OTOP3: variants seen among roughly 807,000 people sequenced by gnomAD.
OTOP3 encodes the protein proton channel OTOP3.
OTOP3 carries 41 observed loss-of-function variants against 50.8 expected under a neutral mutation model. The observed-to-expected ratio is 0.81, with a 90% confidence interval of 0.63 to 1.05. OTOP3 has a LOEUF of 1.05. Ranked by LOEUF, OTOP3 falls within the 50% of genes least tolerant of loss-of-function variation. The pLI is 0.00. For missense variants in OTOP3, 788 were observed against 760.8 expected (o/e 1.04, Z -0.42); for synonymous variants, 320 against 324.4 (o/e 0.99, Z 0.14).
chr17:74,935,917 C>G lies in OTOP3; in HGVS notation c.-5C>G, dbSNP rs566025730. The G allele has an allele frequency of 6.5e-7, 1 of 1,546,000 alleles. No homozygotes were observed. Among genetic ancestry groups the G allele is most frequent in the East Asian group, 2.4e-5 (1 of 40,888 alleles). ...GCGCCCGCAGTCGGTGGTTAGCCCA[C>G]GGCGATGCCTCTCCCGGCCTCAGGT... On this transcript the variant is annotated 5_prime_UTR_variant, in exon 1 of 7. Coordinates refer to ENST00000328801, the MANE Select transcript of OTOP3 (RefSeq NM_001272005.2).
intron 3 of OTOP3, 49 bp from the exon 4 acceptor site, chr17:74,943,237 G>T: frequency 6.4e-7 from 1 of 1,560,994 alleles, no homozygotes; most frequent in Non-Finnish European, 8.8e-7. Flanking sequence ...TCACACTGTG[G>T]TCCCACCACC....
Position 74,946,948 on chromosome 17 carries a change from C to T in OTOP3, c.1039C>T (p.Pro347Ser), listed in dbSNP as rs1198033160. 1 of 1,613,310 alleles carries T rather than the reference C, an allele frequency of 6.2e-7. No homozygotes were observed. Among genetic ancestry groups the T allele is most frequent in the Non-Finnish European group, 8.5e-7 (1 of 1,180,012 alleles). The change falls in exon 6 of 7, where the codon CCT becomes TCT. Residue 347 changes from proline to serine, a missense_variant. By Grantham distance (74) the Pro-to-Ser change is moderately conservative (BLOSUM62 -1). Transcript: ENST00000328801. The part of the protein sequence containing the change: ...FVLFQIEASG[P>S]AIACQYFTLY... ...GCTCTTCCAAATCGAGGCCAGTGGC[C>T]CTGCCATTGCTTGCCAGTACTTCAC...
intron 5 of OTOP3, 29 bp downstream of exon 5, chr17:74,943,753 C>A: frequency 7.1e-7 from 1 of 1,401,692 alleles, no homozygotes; most frequent in East Asian, 2.3e-5. Flanking sequence ...GTCTTCCTTG[C>A]CCTGAAACAC....
At chr17:74,938,070 G>A (rs1252027677) in intron 1 of OTOP3, among the ~76,000 whole-genome samples, 1 of 152,172 alleles carries the variant, frequency 6.6e-6, no homozygotes, top group Non-Finnish European at 1.5e-5. Flanking sequence ...TGGTGGGACA[G>A]GGAGGAGACA....
intron 1 of OTOP3, among the ~76,000 whole-genome samples, chr17:74,937,720 C>T (rs1314529387): frequency 2.0e-5 from 3 of 152,218 alleles, no homozygotes; most frequent in African/African-American, 7.2e-5. Context: ...GGGTGAATGT[C>T]ACATCTGCAC....
intron 3 of OTOP3, among the ~76,000 whole-genome samples, chr17:74,943,033 T>C (rs888580924): frequency 3.3e-5 from 5 of 152,224 alleles, no homozygotes; most frequent in Non-Finnish European, 7.3e-5. Flanking sequence ...CCCGCAGTCT[T>C]ATTTCCCCCA....
intron 1 of OTOP3, among the ~76,000 whole-genome samples, chr17:74,937,142 T>G (rs1452576787): frequency 6.6e-6 from 1 of 152,000 alleles, no homozygotes; most frequent in Non-Finnish European, 1.5e-5. Flanking sequence ...GTTTGGTATT[T>G]TTTGTAGAGA....
rs746520851 is a variant in OTOP3, at chr17:74,941,788, G to T, written c.415G>T (p.Ala139Ser). The T allele has an allele frequency of 5.6e-6, 9 of 1,611,758 alleles. No individual in the cohort carries two copies. The South Asian group carries it at 8.8e-5, about 16-fold the overall frequency. Residue 139 changes from alanine (A) to serine (S), a missense_variant, in exon 2 of 7, where the codon GCG (alanine) becomes TCG (serine). Coordinates refer to ENST00000328801, the MANE Select transcript of OTOP3 (RefSeq NM_001272005.2). ...CGCCGTGCTCTACCAAGATCCCCAC[G>T]CGGGGCCCCTCTGGGTGCGGGGTGA... Reference protein sequence around the residue: ...PHAVLYQDPHAGPLWVRGSLV... With the variant: ...PHAVLYQDPHSGPLWVRGSLV...
chr17:74,941,148 C>T (rs894887526), intron 1 of OTOP3, among the ~76,000 whole-genome samples: 6 of 152,168 alleles, frequency 3.9e-5, no homozygotes, highest in Non-Finnish European at 8.8e-5. Context: ...ATGATCCTCA[C>T]GCCAGTCAAA....
chr17:74,936,019 G>C (rs2039111401), intron 1 of OTOP3, 79 bp downstream of exon 1: 3 of 1,528,610 alleles, frequency 2.0e-6, no homozygotes, highest in African/African-American at 1.4e-5. Context: ...CCCCCAAAAG[G>C]GGGGTTCACA....
rs181506498 is a variant in OTOP3, at chr17:74,943,937, C to T, written c.751+213C>T. Among the ~76,000 whole-genome samples the T allele has an allele frequency of 6.6e-4, 100 of 152,276 alleles. 1 individual carries two copies. The highest frequency in any genetic ancestry group is 2.2e-3 in the African/African-American group (90 of 41,562). On this transcript the variant is annotated intron_variant, in intron 5 of 6. Transcript: ENST00000328801. ...CACCCCATCAGGTGCTGACGCCCTGCACCCAACTCCAGGTGTCCAGCTAGC... is the reference window on the plus strand; with the variant it reads ...CACCCCATCAGGTGCTGACGCCCTGTACCCAACTCCAGGTGTCCAGCTAGC...
At chr17:74,938,949 C>A (rs1206661412) in intron 1 of OTOP3, among the ~76,000 whole-genome samples, 1 of 151,812 alleles carries the variant, frequency 6.6e-6, no homozygotes, top group Admixed American at 6.6e-5. Flanking sequence ...AGGAGGATCA[C>A]TCGAGGCGAG....
Position 74,943,292 on chromosome 17 carries a change from G to T in OTOP3, c.580G>T (p.Val194Leu). Residue 194 changes from valine (V) to leucine (L), a missense_variant, in exon 4 of 7, where the codon GTG (valine) becomes TTG (leucine). Coordinates refer to ENST00000328801, the MANE Select transcript of OTOP3 (RefSeq NM_001272005.2). ...AAGGCCCTGTCTCTTTCAGACCTGG[G>T]TGCTCTGGAAACACTGCAAAGACTG... Reference protein sequence around the residue: ...EMVFIGVQTWVLWKHCKDCVR... With the variant: ...EMVFIGVQTWLLWKHCKDCVR... 6.2e-7 allele frequency: 1 copy of T among 1,614,204 alleles called. No individual in the cohort carries two copies. The highest frequency in any genetic ancestry group is 2.2e-5 in the East Asian group (1 of 44,886).
At position 74,947,010 on chromosome 17, in the gene OTOP3, C is replaced by T. The variant is rs1345484630; in HGVS notation, c.1101C>T (p.Thr367=). 1.9e-6 allele frequency: 3 copies of T among 1,613,852 alleles called. No individual in the cohort carries two copies. Among genetic ancestry groups the T allele is most frequent in the South Asian group, 1.1e-5 (1 of 91,096 alleles). ...CCTTCTATGTGGCTGTGCTGCCCAC[C>T]ATGAGTCTGGCGTGCCTGGCGGGCA... The part of the protein sequence containing the change: ...YYAFYVAVLP[T]MSLACLAGTA... The change falls in exon 6 of 7, where the codon ACC becomes ACT. Residue 367 remains threonine, a synonymous_variant. Coordinates refer to ENST00000328801, the MANE Select transcript of OTOP3 (RefSeq NM_001272005.2).
intron 5 of OTOP3, among the ~76,000 whole-genome samples, chr17:74,945,153 A>G (rs2039213589): frequency 6.6e-6 from 1 of 152,078 alleles, no homozygotes. Context: ...TCACAAAAAA[A>G]TTTCTGAGCC....
In OTOP3 at chr17:74,947,357, A is replaced by G. The variant is rs746759546; in HGVS notation, c.1448A>G (p.Glu483Gly). The change falls in exon 6 of 7, where the codon GAG becomes GGG. Residue 483 changes from glutamate to glycine, a missense_variant. Coordinates refer to ENST00000328801, the MANE Select transcript of OTOP3 (RefSeq NM_001272005.2). ...CCTCCCCGCAGAGGCTCCTTGCTGG[A>G]GCTGGGCCAGGGCCTGCAGCGGGCC... ...AEPPRRGSLLELGQGLQRASL... is the reference protein window; with the variant it reads ...AEPPRRGSLLGLGQGLQRASL... 6.2e-6 allele frequency: 10 copies of G among 1,613,086 alleles called. 1 individual carries two copies. Among genetic ancestry groups the G allele is most frequent in the Middle Eastern group, 3.3e-4 (2 of 6,062 alleles).
intron 1 of OTOP3, among the ~76,000 whole-genome samples, chr17:74,938,009 T>C (rs1015730880): frequency 6.6e-6 from 1 of 152,044 alleles, no homozygotes; most frequent in African/African-American, 2.4e-5. Flanking sequence ...CAGAACTTTC[T>C]ACCTGGGCCT....
Position 74,949,608 on chromosome 17 carries a change from G to A in OTOP3, c.*192G>A. 1 of 642,134 alleles carries A rather than the reference G, an allele frequency of 1.6e-6. No individual in the cohort carries two copies. Among genetic ancestry groups the A allele is most frequent in the Non-Finnish European group, 2.6e-6 (1 of 385,912 alleles). 39.8% of individuals were successfully genotyped at this position (642,134 alleles called of 1,614,324 possible). A position where few individuals can be genotyped will look rare whatever the true frequency, so the allele number is the denominator to read the frequency against. On this transcript the variant is annotated 3_prime_UTR_variant, in exon 7 of 7. Transcript: ENST00000328801. ...GGCCAACAGCAGGGGCCTGGACACTGAGCTTCTGATGCCCACGGCCAGGCC... is the reference window on the plus strand; with the variant it reads ...GGCCAACAGCAGGGGCCTGGACACTAAGCTTCTGATGCCCACGGCCAGGCC...
In OTOP3 at chr17:74,941,560, C is replaced by T. The variant is rs1015306889; in HGVS notation, c.187C>T (p.Arg63Trp). ...RHFSLLLRRD[R>W]QAQKAGQLFS... ...TTTCTCTCTGCTGCTGCGGCGGGAC[C>T]GGCAGGCCCAGAAGGCTGGACAACT... Residue 63 changes from arginine to tryptophan, a missense_variant, in exon 2 of 7, where the codon CGG becomes TGG. Coordinates refer to ENST00000328801, the MANE Select transcript of OTOP3 (RefSeq NM_001272005.2). 34 of 1,611,054 alleles carry T rather than the reference C, an allele frequency of 2.1e-5. No individual in the cohort carries two copies. The highest frequency in any genetic ancestry group is 2.7e-5 in the Non-Finnish European group (32 of 1,178,186).
Sources: allele counts gnomAD v4.1 joint callset (sites outside exome capture counted in the v4.1 genomes callset), GRCh38; gene constraint gnomAD v4.1.1; transcripts MANE v1.5; gene names NCBI Gene and HGNC (gene_info 2026-07-23, HGNC 2026-07-21).